Variants in CCDC88C observed in about 807,000 individuals in gnomAD.
The protein encoded by CCDC88C is coiled-coil and HOOK domain protein 88C, also known as protein Daple.
Under a neutral mutation model 198.8 loss-of-function variants are expected in CCDC88C, and 131 were observed. The ratio of observed to expected loss-of-function variants is 0.66; its 90% CI spans 0.57 to 0.76. The LOEUF is 0.76. Among genes scored for constraint, CCDC88C ranks in the 30% least tolerant of loss-of-function variants. CCDC88C has a pLI of 0.00. For missense variants in CCDC88C, 2,553 were observed against 2,631.6 expected (o/e 0.97, Z 0.65); for synonymous variants, 1,166 against 1,114.7 (o/e 1.05, Z -0.92).
At chr14:91,337,269 G>A (rs558953242) in intron 10 of CCDC88C, among the ~76,000 whole-genome samples, 20 of 152,326 alleles carry the variant, frequency 1.3e-4, no homozygotes, top group African/African-American at 4.8e-4. Context: ...GCCTCCACTA[G>A]CTGATGGCTA....
At chr14:91,365,140 C>G (rs1252483526) in intron 3 of CCDC88C, among the ~76,000 whole-genome samples, 2 of 151,484 alleles carry the variant, frequency 1.3e-5, no homozygotes, top group African/African-American at 4.9e-5. Flanking sequence ...TCCCCTCCAG[C>G]CTAAGTGCTC....
At chr14:91,343,896 T>A (rs1047697852) in intron 4 of CCDC88C, among the ~76,000 whole-genome samples, 3 of 152,084 alleles carry the variant, frequency 2.0e-5, no homozygotes, top group Non-Finnish European at 4.4e-5. Context: ...CACAGCTCAT[T>A]GCAGCCTTGA....
chr14:91,411,695 G>A (rs991568650), intron 2 of CCDC88C, among the ~76,000 whole-genome samples: 1 of 152,158 alleles, frequency 6.6e-6, no homozygotes, highest in East Asian at 1.9e-4. Flanking sequence ...AAGCACGATG[G>A]CTCATGCCTG....
rs1369618968 is a variant in CCDC88C, at chr14:91,303,927, T to C, written c.3409A>G (p.Thr1137Ala). The change falls in exon 20 of 30, where the codon ACG becomes GCG. Residue 1137 changes from threonine to alanine, a missense_variant. Coordinates refer to ENST00000389857, the MANE Select transcript of CCDC88C (RefSeq NM_001080414.4). ...SQSAALTAQYTLLQNHHTAKE... is the reference protein window; with the variant it reads ...SQSAALTAQYALLQNHHTAKE... ...GCCGTGTGGTGGTTCTGCAGCAGCG[T>C]GTACTGCGCGGTGAGCGCTGCGCTC... The C allele has an allele frequency of 1.2e-6, 2 of 1,611,448 alleles. No individual in the cohort carries two copies. Among genetic ancestry groups the C allele is most frequent in the African/African-American group, 1.3e-5 (1 of 74,946 alleles).
At chr14:91,353,985 T>C (rs1373286408) in intron 4 of CCDC88C, among the ~76,000 whole-genome samples, 1 of 152,190 alleles carries the variant, frequency 6.6e-6, no homozygotes, top group Non-Finnish European at 1.5e-5. Context: ...AGTGGCTTAC[T>C]GTCCACAAAA....
chr14:91,392,642 C>G (rs1885573508), intron 3 of CCDC88C, among the ~76,000 whole-genome samples: 1 of 152,150 alleles, frequency 6.6e-6, no homozygotes, highest in African/African-American at 2.4e-5. Context: ...AAAGCCCAGC[C>G]CAGCCCGAGG....
At chr14:91,321,357 T>A in intron 12 of CCDC88C, 53 bp from the exon 13 acceptor site, 1 of 1,525,648 alleles carries the variant, frequency 6.6e-7, no homozygotes. Flanking sequence ...CCACTTCCAC[T>A]CTCTGCCCCA....
At chr14:91,405,419 T>C (rs991672554) in intron 3 of CCDC88C, among the ~76,000 whole-genome samples, 5 of 152,158 alleles carry the variant, frequency 3.3e-5, no homozygotes, top group African/African-American at 1.2e-4. Flanking sequence ...TCCCACTTCA[T>C]TCCAAGCCCT....
chr14:91,314,007 A>G lies in CCDC88C; in HGVS notation c.1809T>C (p.Asn603=). 1 of 1,613,582 alleles carries G rather than the reference A, an allele frequency of 6.2e-7. No individual in the cohort carries two copies. Among genetic ancestry groups the G allele is most frequent in the East Asian group, 2.2e-5 (1 of 44,828 alleles). Residue 603 remains asparagine, a synonymous_variant, in exon 15 of 30, where the codon AAT becomes AAC. Transcript: ENST00000389857. ...CAAACTCCAACTGGCTGAGCTTGCC[A>G]TTGGCCTCCGTCACCGTCTGGTGGA... The part of the protein sequence containing the change: ...KALHQTVTEA[N]GKLSQLEFEK...
intron 2 of CCDC88C, among the ~76,000 whole-genome samples, chr14:91,414,751 G>A (rs1395200909): frequency 2.0e-5 from 3 of 152,180 alleles, no homozygotes; most frequent in Non-Finnish European, 4.4e-5. Flanking sequence ...GGACCCAGAA[G>A]CACTTCTTGA....
rs1489645014 is a variant in CCDC88C at position 91,273,295 on chromosome 14, C to G, written c.5417G>C (p.Ser1806Thr). 1 of 1,558,390 alleles carries G rather than the reference C, an allele frequency of 6.4e-7. No individual in the cohort carries two copies. The highest frequency in any genetic ancestry group is 8.7e-7 in the Non-Finnish European group (1 of 1,150,242). The change falls in exon 30 of 30, where the codon AGC becomes ACC. Residue 1806 changes from serine to threonine, a missense_variant. Ser to Thr is a moderately conservative substitution (Grantham distance 58). Around this residue, in one of 2 missense-constraint regions of CCDC88C, gnomAD observed 1,293 missense variants for 1,219.6 expected, o/e 1.06. Transcript: ENST00000389857. The surrounding 1 kb of genome is among the most constrained non-coding windows in gnomAD (Gnocchi z 5.6). Reference protein sequence around the residue: ...SRSASLSRAFSLASADLLRAS... With the variant: ...SRSASLSRAFTLASADLLRAS... ...CCGGAGAAGGTCAGCTGAGGCCAGG[C>G]TGAAGGCCCGGCTCAAGGAGGCACT...
At position 91,279,308 on chromosome 14, in the gene CCDC88C, T is replaced by C; in HGVS notation, c.4700-2A>G. 3 of 1,595,280 alleles carry C rather than the reference T, an allele frequency of 1.9e-6. No homozygotes were observed. The highest frequency in any genetic ancestry group is 2.6e-6 in the Non-Finnish European group (3 of 1,169,492). ...TCTCTAAGCTACTTGGCCGCGACAC[T>C]GAAAGGAAATGGCAGTGTTAAAATT... On this transcript the variant is annotated splice_acceptor_variant, in intron 27 of 29. Coordinates refer to ENST00000389857, the MANE Select transcript of CCDC88C (RefSeq NM_001080414.4). LOFTEE classifies it high-confidence loss of function.
chr14:91,316,369 T>C (rs114191685), intron 13 of CCDC88C, among the ~76,000 whole-genome samples: 4,098 of 151,970 alleles, frequency 0.027, 158 homozygotes, highest in African/African-American at 0.082. Flanking sequence ...CAGAGGTCCT[T>C]ATGCTCCCCG....
In CCDC88C at chr14:91,281,439, A is replaced by G; in HGVS notation, c.4699+18T>C. ...TCTGGAAACCCAGGCTGGAGGACAC[A>G]GCACCCTCCCTACTCACCGTACTGC... On this transcript the variant is annotated intron_variant, in intron 27 of 29. Coordinates refer to ENST00000389857, the MANE Select transcript of CCDC88C (RefSeq NM_001080414.4). The G allele has an allele frequency of 6.2e-7, 1 of 1,613,646 alleles. No homozygotes were observed. Among genetic ancestry groups the G allele is most frequent in the East Asian group, 2.2e-5 (1 of 44,880 alleles).
intron 28 of CCDC88C, 103 bp from the exon 29 acceptor site, chr14:91,278,314 A>G (rs117169601): frequency 0.017 from 19,707 of 1,144,084 alleles, 238 homozygotes; most frequent in Middle Eastern, 0.026. Flanking sequence ...AACTATCAGA[A>G]TAAAATCCCT....
chr14:91,366,110 A>G (rs1894523004), intron 3 of CCDC88C, among the ~76,000 whole-genome samples: 1 of 149,944 alleles, frequency 6.7e-6, no homozygotes, highest in Admixed American at 6.7e-5. Flanking sequence ...CATCTATTTA[A>G]CTAGGTATTT....
At chr14:91,342,150 GTTT>G (rs767323273) in intron 6 of CCDC88C, 4 of 349,150 alleles carry the variant, frequency 1.1e-5, no homozygotes, top group Non-Finnish European at 1.6e-5. Flanking sequence ...TGATTGAGGT[GTTT>G]TTTTTTTTTA....
chr14:91,346,059 A>C (rs953167667), intron 4 of CCDC88C, among the ~76,000 whole-genome samples: 2 of 152,218 alleles, frequency 1.3e-5, no homozygotes, highest in African/African-American at 2.4e-5. Context: ...CAGTGTCCCA[A>C]AGTGTCAAAG....
At chr14:91,286,938 TGCATAAAGC>T (rs1178368183) in intron 25 of CCDC88C, among the ~76,000 whole-genome samples, 1 of 152,194 alleles carries the variant, frequency 6.6e-6, no homozygotes, top group Non-Finnish European at 1.5e-5. Context: ...TTCAATGAGA[TGCATAAAGC>T]ACATAAAGTA....
Sources: gnomAD v4.1 joint callset for allele counts (sites outside exome capture counted in the v4.1 genomes callset) on GRCh38, gnomAD v4.1.1 for gene constraint, gnomAD v4.1.1 regional missense constraint, Gnocchi (gnomAD v3.1) non-coding constraint, MANE v1.5 for transcripts, NCBI Gene and HGNC (gene_info 2026-07-23, HGNC 2026-07-21) for gene names.